The following SPATA31F1 variants were observed in gnomAD, a reference collection of about 807,000 sequenced individuals.
SPATA31F1 encodes SPATA31 subfamily F member 1, also known as protein SPATA31F1.
At chr9:34,727,924 C>A in the SPATA31F1 span, 5 of 1,141,366 alleles carry the variant, frequency 4.4e-6, no homozygotes, top group Non-Finnish European at 6.2e-6. Flanking sequence ...GTCTCCCTCC[C>A]AGCCATTATC....
At chr9:34,728,761 T>G in the SPATA31F1 span, 1 of 1,029,568 alleles carries the variant, frequency 9.7e-7, no homozygotes, top group Non-Finnish European at 1.5e-6. Flanking sequence ...TGTATATATC[T>G]ATCTGTATTT....
chr9:34,725,037 T>C, the SPATA31F1 span: 5 of 1,552,026 alleles, frequency 3.2e-6, no homozygotes, highest in Non-Finnish European at 4.4e-6. Context: ...GGCATAACTT[T>C]GTGATGCAGG....
chr9:34,723,383 G>A, the SPATA31F1 span: 6 of 1,551,724 alleles, frequency 3.9e-6, no homozygotes, highest in Admixed American at 1.2e-4. Flanking sequence ...CAAGAAGGCT[G>A]GGCCCACCAG....
At chr9:34,726,433 G>T in the SPATA31F1 span, 10 of 1,550,988 alleles carry the variant, frequency 6.4e-6, no homozygotes, top group Admixed American at 1.4e-4. Context: ...GATGCATCCG[G>T]TTCAGGGTTT....
the SPATA31F1 span, chr9:34,725,074 C>T: frequency 6.4e-7 from 1 of 1,551,766 alleles, no homozygotes. Context: ...TCTGCAGTTC[C>T]AGGAACTGGC....
the SPATA31F1 span, chr9:34,725,772 G>T: frequency 5.8e-6 from 9 of 1,549,354 alleles, no homozygotes; most frequent in Non-Finnish European, 6.1e-6. Flanking sequence ...GGGGAAGAGG[G>T]TGGGGCTGAC....
chr9:34,724,903 G>A, the SPATA31F1 span: 41 of 1,550,272 alleles, frequency 2.6e-5, no homozygotes, highest in Non-Finnish European at 3.4e-5. Flanking sequence ...CCAGATGCTT[G>A]TGCCGTAAAG....
the SPATA31F1 span, chr9:34,728,801 T>G: frequency 9.7e-3 from 7,534 of 773,988 alleles, 74 homozygotes; most frequent in Middle Eastern, 0.018. Flanking sequence ...CCTTTGCCTA[T>G]TCCACCTTTT....
chr9:34,729,254 T>G, the SPATA31F1 span: 6 of 1,544,502 alleles, frequency 3.9e-6, no homozygotes, highest in Non-Finnish European at 5.2e-6. Context: ...ATCTGAGGCT[T>G]AATTAGTTCA....
chr9:34,726,615 G>A, the SPATA31F1 span: 3 of 1,551,830 alleles, frequency 1.9e-6, no homozygotes, highest in East Asian at 2.4e-5. Context: ...TCTGGCACTT[G>A]AAATTCCTGC....
the SPATA31F1 span, chr9:34,724,502 G>A: frequency 6.4e-7 from 1 of 1,551,550 alleles, no homozygotes; most frequent in East Asian, 2.4e-5. Flanking sequence ...TTGTTCCCTG[G>A]ACTTCCTTGC....
At chr9:34,728,653 C>A in the SPATA31F1 span, 85 of 1,551,378 alleles carry the variant, frequency 5.5e-5, no homozygotes, top group Non-Finnish European at 7.1e-5. Flanking sequence ...TTTTTGGTGA[C>A]ACTTAGAAGA....
the SPATA31F1 span, among the ~76,000 whole-genome samples, chr9:34,728,848 T>C: frequency 1.3e-4 from 20 of 152,350 alleles, no homozygotes; most frequent in African/African-American, 4.3e-4. Context: ...TTGGATTCAC[T>C]TGGAGGCTTT....
the SPATA31F1 span, chr9:34,729,320 A>G: frequency 1.3e-6 from 2 of 1,552,148 alleles, no homozygotes; most frequent in Non-Finnish European, 8.7e-7. Flanking sequence ...AACTCAATTC[A>G]TGGTGGCTCC....
chr9:34,723,646 G>GA, the SPATA31F1 span: 1 of 1,551,646 alleles, frequency 6.4e-7, no homozygotes, highest in Non-Finnish European at 8.7e-7. Flanking sequence ...TTTGAGCATG[G>GA]ACTGGCATCA....
chr9:34,723,386 C>G, the SPATA31F1 span: 1 of 1,551,692 alleles, frequency 6.4e-7, no homozygotes, highest in African/African-American at 1.4e-5. Flanking sequence ...GAAGGCTGGG[C>G]CCACCAGCTT....
chr9:34,723,433 C>T, the SPATA31F1 span: 62 of 1,551,650 alleles, frequency 4.0e-5, no homozygotes, highest in South Asian at 4.3e-4. Context: ...AGCACCCTGT[C>T]GGCTTCTCCG....
the SPATA31F1 span, chr9:34,723,848 T>G: frequency 1.9e-6 from 3 of 1,551,660 alleles, no homozygotes; most frequent in Non-Finnish European, 2.6e-6. Context: ...AGACTCTTTC[T>G]CCCCAGGGAC....
chr9:34,729,259 AGT>A, the SPATA31F1 span: 1 of 1,544,798 alleles, frequency 6.5e-7, no homozygotes, highest in African/African-American at 1.4e-5. Flanking sequence ...AGGCTTAATT[AGT>A]TCAGTTGGGA....
Sources: allele counts gnomAD v4.1 joint callset (sites outside exome capture counted in the v4.1 genomes callset), GRCh38; gene constraint gnomAD v4.1.1; transcripts MANE v1.5; gene names NCBI Gene and HGNC (gene_info 2026-07-23, HGNC 2026-07-21).